Variants in ZFHX3 observed in about 807,000 individuals in gnomAD.
ZFHX3 encodes zinc finger homeobox protein 3.
ZFHX3 carries 42 observed loss-of-function variants against 279.1 expected under a neutral mutation model. The observed-to-expected ratio is 0.15, with a 90% CI of 0.12 to 0.19. The LOEUF is 0.19. Ranked by LOEUF, ZFHX3 falls within the 10% of genes least tolerant of loss-of-function variation. The probability of loss-of-function intolerance (pLI) is 1.00; values close to 1 mark genes in which losing one functional copy is unlikely to be tolerated. For missense variants in ZFHX3, 4,981 were observed against 4,754.0 expected (o/e 1.05, Z -1.40); for synonymous variants, 2,293 against 1,957.8 (o/e 1.17, Z -4.52).
intron 4 of ZFHX3, among the ~76,000 whole-genome samples, chr16:72,854,199 C>G (rs2037691490): frequency 1.3e-5 from 2 of 152,184 alleles, no homozygotes; most frequent in Non-Finnish European, 2.9e-5. Flanking sequence ...TATGGCCTTG[C>G]TTCTCTCCCT....
At chr16:73,231,339 GCAAATCC>G (rs1430734544) in intron 5 of ZFHX3, among the ~76,000 whole-genome samples, 1 of 152,184 alleles carries the variant, frequency 6.6e-6, no homozygotes, top group East Asian at 1.9e-4. Flanking sequence ...AGGGGACAAT[GCAAATCC>G]CATTCAATAC....
chr16:72,887,575 G>A (rs2038659076), intron 4 of ZFHX3, among the ~76,000 whole-genome samples: 1 of 151,756 alleles, frequency 6.6e-6, no homozygotes, highest in East Asian at 1.9e-4. Flanking sequence ...GGAGTGTGCG[G>A]GGCAGTGCCT....
At chr16:73,669,985 T>G (rs2052885603) in intron 2 of ZFHX3, among the ~76,000 whole-genome samples, 1 of 152,188 alleles carries the variant, frequency 6.6e-6, no homozygotes, top group Non-Finnish European at 1.5e-5. Flanking sequence ...CTTAATAAGT[T>G]TTATCGAAGA....
intron 1 of ZFHX3, among the ~76,000 whole-genome samples, chr16:73,774,760 A>T (rs181052279): frequency 1.6e-4 from 24 of 152,240 alleles, no homozygotes; most frequent in African/African-American, 5.3e-4. Flanking sequence ...TCTTAATGGG[A>T]GTGGTTTTTC....
chr16:73,247,074 G>C (rs1269066455), intron 5 of ZFHX3, among the ~76,000 whole-genome samples: 4 of 151,962 alleles, frequency 2.6e-5, no homozygotes. Context: ...TATGTGGAGT[G>C]TATGTGTATG....
At chr16:73,725,017 T>C (rs2053505987) in intron 1 of ZFHX3, among the ~76,000 whole-genome samples, 1 of 152,176 alleles carries the variant, frequency 6.6e-6, no homozygotes, top group Admixed American at 6.5e-5. Flanking sequence ...GATTAGAGCA[T>C]CTGTAAGGTG....
intron 3 of ZFHX3, among the ~76,000 whole-genome samples, chr16:73,398,733 C>T (rs1419147458): frequency 6.6e-6 from 1 of 152,174 alleles, no homozygotes; most frequent in Non-Finnish European, 1.5e-5. Context: ...ATAAGCCGAC[C>T]CATAAGCACA....
rs758435735 is a variant in ZFHX3, at chr16:72,788,292, C to G, written c.9984G>C (p.Gln3328His). 6.2e-7 allele frequency: 1 copy of G among 1,614,194 alleles called. No homozygotes were observed. The highest frequency in any genetic ancestry group is 8.5e-7 in the Non-Finnish European group (1 of 1,180,038). ...YYAPQIPGAL[Q>H]SGYLQPMYGM... is the part of the protein sequence containing the mutation. ...CATACATAGGCTGCAGGTACCCGCT[C>G]TGCAGGGCGCCAGGGATCTGGGGAG... Residue 3328 changes from glutamine (Q) to histidine (H), a missense_variant, in exon 10 of 10, where the codon CAG becomes CAC. Gln to His is a conservative substitution (Grantham distance 24). Coordinates refer to ENST00000268489, the MANE Select transcript of ZFHX3 (RefSeq NM_006885.4).
chr16:73,756,385 T>G (rs1412451689), intron 1 of ZFHX3, among the ~76,000 whole-genome samples: 1 of 152,086 alleles, frequency 6.6e-6, no homozygotes, highest in Non-Finnish European at 1.5e-5. Flanking sequence ...CGGGCTAGAA[T>G]GGATGAGAAA....
At chr16:72,949,105 AG>A (rs1253857076) in intron 3 of ZFHX3, among the ~76,000 whole-genome samples, 1 of 152,190 alleles carries the variant, frequency 6.6e-6, no homozygotes, top group Non-Finnish European at 1.5e-5. Context: ...TACGTTATGC[AG>A]GCCTCCCCAC....
At chr16:73,298,206 C>T (rs542515732) in intron 4 of ZFHX3, among the ~76,000 whole-genome samples, 2 of 148,328 alleles carry the variant, frequency 1.3e-5, no homozygotes, top group South Asian at 4.2e-4. Context: ...ACAACAACAA[C>T]AAAAATCAGA....
intron 1 of ZFHX3, among the ~76,000 whole-genome samples, chr16:73,846,543 G>A (rs139031866): frequency 5.9e-5 from 9 of 152,212 alleles, no homozygotes; most frequent in East Asian, 1.9e-4. Flanking sequence ...GAGGCTTTGC[G>A]AGTGGCCCTA....
chr16:73,492,212 C>A (rs1345811394), intron 2 of ZFHX3, among the ~76,000 whole-genome samples: 2 of 152,142 alleles, frequency 1.3e-5, no homozygotes, highest in African/African-American at 4.8e-5. Flanking sequence ...TGCCATTGGC[C>A]TTCACCTTTC....
In ZFHX3 at chr16:72,959,710, T is replaced by C. The variant is rs58480263; in HGVS notation, c.436A>G (p.Ser146Gly). Reference sequence around the variant, plus strand: ...CCGCCCTGGGTCAGCTGGCTCAGGCTCTCCACAATGTACGCGGAGCCGTCC... The same window carrying C: ...CCGCCCTGGGTCAGCTGGCTCAGGCCCTCCACAATGTACGCGGAGCCGTCC... ...QPDGSAYIVE[S>G]LSQLTQGGGA... The change falls in exon 2 of 10, where the codon AGC (serine) becomes GGC (glycine). Residue 146 changes from serine (S) to glycine (G), a missense_variant. By Grantham distance (56) the Ser-to-Gly change is moderately conservative. Transcript: ENST00000268489. The C allele has an allele frequency of 5.9e-4, 947 of 1,613,820 alleles. 6 individuals carry two copies. The African/African-American group carries it at 0.011, about 20-fold the overall frequency.
intron 1 of ZFHX3, among the ~76,000 whole-genome samples, chr16:73,811,579 G>C (rs1426217987): frequency 6.6e-6 from 1 of 151,634 alleles, no homozygotes; most frequent in African/African-American, 2.4e-5. Flanking sequence ...GGAGTAGCTG[G>C]GACTACAGGC....
intron 2 of ZFHX3, among the ~76,000 whole-genome samples, chr16:73,626,582 C>T (rs2052418869): frequency 6.6e-6 from 1 of 152,182 alleles, no homozygotes; most frequent in South Asian, 2.1e-4. Flanking sequence ...TGATATCCAC[C>T]TAGAAGACCT....
chr16:72,797,659 G>A lies in ZFHX3; in HGVS notation c.5023C>T (p.Pro1675Ser). ...ACTTGGCTTAGTAAGTTAGAGCTTG[G>A]AGCAATGCCAGCACTGCTTGGATTG... The part of the protein sequence containing the change: ...TSNPSSAGIA[P>S]SSNLLSQVPT... Residue 1675 changes from proline to serine, a missense_variant, in exon 9 of 10, where the codon CCA (proline) becomes TCA (serine). Around this residue, in one of 7 missense-constraint regions of ZFHX3, gnomAD observed 1,751 missense variants for 1,770.0 expected, o/e 0.99. Transcript: ENST00000268489. The A allele has an allele frequency of 6.2e-7, 1 of 1,614,168 alleles. No individual in the cohort carries two copies. Among genetic ancestry groups the A allele is most frequent in the Non-Finnish European group, 8.5e-7 (1 of 1,180,040 alleles).
At chr16:72,878,382 C>A (rs1004624112) in intron 4 of ZFHX3, among the ~76,000 whole-genome samples, 1 of 152,204 alleles carries the variant, frequency 6.6e-6, no homozygotes, top group African/African-American at 2.4e-5. Flanking sequence ...GAAGCCACTC[C>A]AGTGAGGACC....
rs567734224 is a variant in ZFHX3, at chr16:72,874,245, C to T, written c.3448+15486G>A. ...TTTTTTTGAGACAGTCTCACTCTGTCGCTCAGCCTGGAGTGCAGTGGCACA... is the reference window on the plus strand; with the variant it reads ...TTTTTTTGAGACAGTCTCACTCTGTTGCTCAGCCTGGAGTGCAGTGGCACA... On this transcript the variant is annotated intron_variant, in intron 4 of 9. Transcript: ENST00000268489. Among the ~76,000 whole-genome samples, 17 of 124,386 alleles carry T rather than the reference C, an allele frequency of 1.4e-4. No homozygotes were observed. The Admixed American group carries it at 1.5e-3, about 11-fold the overall frequency. 81.6% of individuals were successfully genotyped at this position (124,386 alleles called of 152,430 possible).
Sources: allele counts gnomAD v4.1 joint callset (sites outside exome capture counted in the v4.1 genomes callset), GRCh38; gene constraint gnomAD v4.1.1; regional missense constraint gnomAD v4.1.1; transcripts MANE v1.5; gene names NCBI Gene and HGNC (gene_info 2026-07-23, HGNC 2026-07-21).